NELFE: variants seen among roughly 807,000 people sequenced by gnomAD.
NELFE encodes the protein negative elongation factor complex member E, also known as negative elongation factor E.
NELFE carries 26 observed loss-of-function variants against 55.5 expected under a neutral mutation model. The ratio of observed to expected loss-of-function variants is 0.47; its 90% CI spans 0.34 to 0.65. The LOEUF is 0.65. NELFE is among the 30% of genes least tolerant of loss of function. The pLI is 0.01. For missense variants in NELFE, 403 were observed against 506.9 expected, an observed-to-expected ratio of 0.80 and a Z score of 1.97; for synonymous variants, 162 against 178.0, an observed-to-expected ratio of 0.91 and a Z score of 0.72.
chr6:31,952,587 A>T (rs930018103), intron 10 of NELFE, among the ~76,000 whole-genome samples, 189 bp from the exon 11 acceptor site: 2 of 152,222 alleles, frequency 1.3e-5, no homozygotes, highest in African/African-American at 4.8e-5. Flanking sequence ...GAAAAGTATA[A>T]GTGGACATTT....
rs1325631461 is a variant in NELFE, at chr6:31,953,850, G to C, written c.943-19C>G. The C allele has an allele frequency of 4.4e-6, 7 of 1,592,916 alleles. No individual in the cohort carries two copies. In the Admixed American group the frequency reaches 1.0e-4, roughly 23 times the overall value. On this transcript the variant is annotated intron_variant, in intron 9 of 10. Transcript: ENST00000375429. ...CGTTGAGCTGAAGCAGAAGAGGGGA[G>C]GCAGAGGATGGGGAGGAAAACATTA...
chr6:31,957,003 G>T lies in NELFE; in HGVS notation c.83C>A (p.Ala28Glu). The T allele has an allele frequency of 6.3e-7, 1 of 1,599,088 alleles. No homozygotes were observed. Among genetic ancestry groups the T allele is most frequent in the East Asian group, 2.2e-5 (1 of 44,496 alleles). Reference sequence around the variant, plus strand: ...ACTTTGCTTCTTCAGAGCCAGCAATGCCTTTTTCTGGGAACAAGGGTGAGA... The same window carrying T: ...ACTTTGCTTCTTCAGAGCCAGCAATTCCTTTTTCTGGGAACAAGGGTGAGA... ...KFNKLKKKKK[A>E]LLALKKQSSS... The change falls in exon 3 of 11, where the codon GCA (alanine) becomes GAA (glutamate). Residue 28 changes from alanine (A) to glutamate (E), a missense_variant. Ala to Glu is a moderately radical substitution (Grantham distance 107, BLOSUM62 -1). This residue lies in a region of NELFE where 97 missense variants were observed against 155.3 expected (regional missense o/e 0.62). Transcript: ENST00000375429.
chr6:31,954,470 G>A lies in NELFE; in HGVS notation c.743-28C>T, dbSNP rs1771942758. On this transcript the variant is annotated intron_variant, in intron 7 of 10. Transcript: ENST00000375429. The surrounding 1 kb of genome is among the most constrained non-coding windows in gnomAD (Gnocchi z 5.5). ...TTGGGAGCACAAATCATAGTCACAA[G>A]ACATAGACCATGCCACATTTCACTT... The A allele has an allele frequency of 3.8e-6, 6 of 1,587,038 alleles. No individual in the cohort carries two copies. Among genetic ancestry groups the A allele is most frequent in the Non-Finnish European group, 5.2e-6 (6 of 1,164,760 alleles).
intron 4 of NELFE, 80 bp downstream of exon 4, chr6:31,956,613 G>C: frequency 6.9e-7 from 1 of 1,448,700 alleles, no homozygotes; most frequent in Non-Finnish European, 9.4e-7. Context: ...CAGTGCTTGA[G>C]TATGCATATT....
At chr6:31,957,182 G>A in intron 2 of NELFE, 172 bp from the exon 3 acceptor site, 2 of 652,302 alleles carry the variant, frequency 3.1e-6, no homozygotes, top group Admixed American at 5.7e-5. Flanking sequence ...GTATGATGCT[G>A]GAAATTCCTA....
At chr6:31,953,887 A>G in intron 9 of NELFE, 56 bp from the exon 10 acceptor site, 1 of 1,493,582 alleles carries the variant, frequency 6.7e-7, no homozygotes, top group South Asian at 1.1e-5. Context: ...AGATAAACCA[A>G]AGAAGTTATT....
Position 31,954,774 on chromosome 6 carries a change from C to T in NELFE, c.523G>A (p.Gly175Ser). Residue 175 changes from glycine (G) to serine (S), a missense_variant, in exon 7 of 11, where the codon GGT becomes AGT. By Grantham distance (56) the Gly-to-Ser change is moderately conservative. Transcript: ENST00000375429. This position sits in a 1 kb window ranked among gnomAD's most constrained non-coding sequence, Gnocchi z 5.5. The stretch of plus-strand genomic sequence containing the variant: ...GGAGGGGAGGCTGAGGAGTGGGCAC[C>T]ACTGCGTTCTTCATAGCCCCAGTCA... ...SFDWGYEERSGAHSSASPPRS... is the reference protein window; with the variant it reads ...SFDWGYEERSSAHSSASPPRS... 1 of 1,612,686 alleles carries T rather than the reference C, an allele frequency of 6.2e-7. No individual in the cohort carries two copies. The highest frequency in any genetic ancestry group is 8.5e-7 in the Non-Finnish European group (1 of 1,179,888).
intron 1 of NELFE, 22 bp from the exon 2 acceptor site, chr6:31,958,476 A>G: frequency 6.2e-7 from 1 of 1,604,094 alleles, no homozygotes. Context: ...GCAGGGCCCA[A>G]GACATCTTTC....
In NELFE at chr6:31,954,870, G is replaced by A. The variant is rs1771986252; in HGVS notation, c.427C>T (p.Leu143Phe). Residue 143 changes from leucine (L) to phenylalanine (F), a missense_variant, in exon 7 of 11, where the codon CTT becomes TTT. Leu to Phe is a conservative substitution (Grantham distance 22). Transcript: ENST00000375429. This position sits in a 1 kb window ranked among gnomAD's most constrained non-coding sequence, Gnocchi z 5.5. Reference protein sequence around the residue: ...YESFVSSSDRLRELGPDGEEA... With the variant: ...YESFVSSSDRFRELGPDGEEA... ...TCTCCATCTGGTCCTAGTTCTCGAA[G>A]TCGATCACTAGAAGACACAAAGCTG... The A allele has an allele frequency of 6.4e-7, 1 of 1,565,616 alleles. No individual in the cohort carries two copies. Among genetic ancestry groups the A allele is most frequent in the Non-Finnish European group, 8.6e-7 (1 of 1,158,924 alleles).
intron 1 of NELFE, 143 bp downstream of exon 1, chr6:31,958,749 C>T (rs1772255548): frequency 1.4e-6 from 1 of 701,842 alleles, no homozygotes; most frequent in South Asian, 1.5e-5. Context: ...CCCCTACCCT[C>T]GCTAGGGTAA....
In NELFE at chr6:31,958,919, C is replaced by A. The variant is rs1772273433; in HGVS notation, c.-36G>T. ...GAGGGGGCGGCAACCGGGGGCCCCACGGTCTCCGGCCGCGCCCGCGCTGGC... is the reference window on the plus strand; with the variant it reads ...GAGGGGGCGGCAACCGGGGGCCCCAAGGTCTCCGGCCGCGCCCGCGCTGGC... On this transcript the variant is annotated 5_prime_UTR_variant, in exon 1 of 11. Transcript: ENST00000375429. The A allele has an allele frequency of 1.7e-6, 1 of 593,472 alleles. No homozygotes were observed. The allele number at this position is 593,472 out of a possible 1,614,324, so 36.8% of individuals were successfully genotyped here. A position where few individuals can be genotyped will look rare whatever the true frequency, so the allele number is the denominator to read the frequency against.
In NELFE at chr6:31,954,366, G is replaced by A; in HGVS notation, c.819C>T (p.Pro273=). ...TLYVYGEDMT[P]TLLRGAFSPF... ...GAGAGAAGGCCCCACGGAGAAGGGT[G>A]GGTGTCATGTCTTCTCCATATACAT... Residue 273 remains proline, a synonymous_variant, in exon 8 of 11, where the codon CCC becomes CCT. Coordinates refer to ENST00000375429, the MANE Select transcript of NELFE (RefSeq NM_002904.6). This position sits in a 1 kb window ranked among gnomAD's most constrained non-coding sequence, Gnocchi z 5.5. The A allele has an allele frequency of 1.2e-6, 2 of 1,613,748 alleles. No individual in the cohort carries two copies. Among genetic ancestry groups the A allele is most frequent in the South Asian group, 1.1e-5 (1 of 91,036 alleles).
At chr6:31,958,506 G>A in intron 1 of NELFE, 52 bp from the exon 2 acceptor site, 5 of 1,488,368 alleles carry the variant, frequency 3.4e-6, no homozygotes, top group Non-Finnish European at 4.7e-6. Context: ...ACCACCCGGG[G>A]TTCACACGCC....
At chr6:31,958,171 C>G (rs1772207310) in intron 2 of NELFE, 3 of 608,694 alleles carry the variant, frequency 4.9e-6, no homozygotes, top group Non-Finnish European at 8.8e-6. Context: ...GAAAGGAAGA[C>G]AATCCATGGC....
Position 31,954,195 on chromosome 6 carries a change from C to G in NELFE, c.888-61G>C. 2 of 1,611,450 alleles carry G rather than the reference C, an allele frequency of 1.2e-6. No individual in the cohort carries two copies. The highest frequency in any genetic ancestry group is 1.7e-6 in the Non-Finnish European group (2 of 1,177,746). Reference sequence around the variant, plus strand: ...AGGGGCTCTTCTGGACCCAACCAAACCCAGTGATAATAGGCGGCTGCAGGG... The same window carrying G: ...AGGGGCTCTTCTGGACCCAACCAAAGCCAGTGATAATAGGCGGCTGCAGGG... On this transcript the variant is annotated intron_variant, in intron 8 of 10. Transcript: ENST00000375429. The surrounding 1 kb of genome is among the most constrained non-coding windows in gnomAD (Gnocchi z 5.5).
At chr6:31,957,208 G>A (rs181374562) in intron 2 of NELFE, 198 bp from the exon 3 acceptor site, 30 of 619,066 alleles carry the variant, frequency 4.8e-5, no homozygotes, top group Middle Eastern at 2.7e-4. Context: ...ACCAAACCAC[G>A]GAACCCAGAG....
Position 31,954,395 on chromosome 6 carries a change from G to C in NELFE, c.790C>G (p.Leu264Val), listed in dbSNP as rs1411696780. 3.7e-6 allele frequency: 6 copies of C among 1,611,810 alleles called. No homozygotes were observed. The highest frequency in any genetic ancestry group is 2.7e-5 in the African/African-American group (2 of 74,748). ...ERRAPRKGNTLYVYGEDMTPT... is the reference protein window; with the variant it reads ...ERRAPRKGNTVYVYGEDMTPT... ...GTCATGTCTTCTCCATATACATAGA[G>C]AGTATTCCCTTTCCTAGGGGCTCGC... is the stretch of plus-strand genomic sequence containing the variant. The change falls in exon 8 of 11, where the codon CTC becomes GTC. Residue 264 changes from leucine to valine, a missense_variant. Leu to Val is a conservative substitution (Grantham distance 32). Around this residue, in one of 3 missense-constraint regions of NELFE, gnomAD observed 229 missense variants for 228.3 expected, o/e 1.00. Coordinates refer to ENST00000375429, the MANE Select transcript of NELFE (RefSeq NM_002904.6). The surrounding 1 kb of genome is among the most constrained non-coding windows in gnomAD (Gnocchi z 5.5).
At position 31,954,528 on chromosome 6, in the gene NELFE, C is replaced by T. The variant is rs368514807; in HGVS notation, c.742+27G>A. The T allele has an allele frequency of 3.1e-6, 5 of 1,592,490 alleles. No homozygotes were observed. Among genetic ancestry groups the T allele is most frequent in the East Asian group, 4.5e-5 (2 of 44,690 alleles). On this transcript the variant is annotated intron_variant, in intron 7 of 10. Coordinates refer to ENST00000375429, the MANE Select transcript of NELFE (RefSeq NM_002904.6). This position sits in a 1 kb window ranked among gnomAD's most constrained non-coding sequence, Gnocchi z 5.5. ...CCCACATAAACCTCAGTTAAGGTCA[C>T]CTTGACCTCCAGCCAAAATCACTCA...
chr6:31,958,668 C>G (rs781069759), intron 1 of NELFE: 2 of 703,418 alleles, frequency 2.8e-6, no homozygotes, highest in Non-Finnish European at 5.2e-6. Context: ...CAGACACCAG[C>G]ACCTTTAGGT....
Sources: gnomAD v4.1 joint callset for allele counts (sites outside exome capture counted in the v4.1 genomes callset) on GRCh38, gnomAD v4.1.1 for gene constraint, gnomAD v4.1.1 regional missense constraint, Gnocchi (gnomAD v3.1) non-coding constraint, MANE v1.5 for transcripts, NCBI Gene and HGNC (gene_info 2026-07-23, HGNC 2026-07-21) for gene names.